Variants in AKAP9 observed in about 807,000 individuals in gnomAD.
AKAP9 encodes the protein A-kinase anchor protein 9.
AKAP9 carries 311 observed loss-of-function variants against 488.5 expected under a neutral mutation model. The ratio of observed to expected loss-of-function variants is 0.64; its 90% CI spans 0.58 to 0.70. The LOEUF (loss-of-function observed/expected upper bound fraction) is 0.70. Among genes scored for constraint, AKAP9 ranks in the 30% least tolerant of loss-of-function variants. The pLI, the probability that AKAP9 is intolerant of heterozygous loss-of-function variation, is 0.00. For synonymous variants in AKAP9, 1,462 were observed against 1,483.5 expected (o/e 0.99, Z 0.33); for missense variants, 4,215 against 4,374.5 (o/e 0.96, Z 1.03).
chr7:92,025,304 A>G (rs2299240), intron 14 of AKAP9, among the ~76,000 whole-genome samples: 67,908 of 151,628 alleles, frequency 0.45, 16,243 homozygotes, highest in African/African-American at 0.63. Context: ...GGGCTTCTGC[A>G]AGCTCACCAC....
chr7:92,069,151 G>C (rs1811265819), intron 26 of AKAP9, among the ~76,000 whole-genome samples: 1 of 152,118 alleles, frequency 6.6e-6, no homozygotes, highest in African/African-American at 2.4e-5. Flanking sequence ...CTGGGCTGAT[G>C]GAATGTATAG....
Position 92,043,693 on chromosome 7 carries a change from A to C in AKAP9, c.5162+922A>C, listed in dbSNP as rs185512824. Among the ~76,000 whole-genome samples, 38 of 152,340 alleles carry C rather than the reference A, an allele frequency of 2.5e-4. 1 individual carries two copies. The highest frequency in any genetic ancestry group is 1.4e-3 in the Admixed American group (22 of 15,296). ...TTTTATTTTTAGTATTCTTGATTAT[A>C]TAAGCAGAGAACTTGATCTAGGTGC... On this transcript the variant is annotated intron_variant, in intron 20 of 49. Transcript: ENST00000356239.
intron 32 of AKAP9, 26 bp from the exon 33 acceptor site, chr7:92,083,144 C>T: frequency 1.9e-6 from 3 of 1,611,424 alleles, no homozygotes; most frequent in Non-Finnish European, 2.5e-6. Flanking sequence ...ACTGAATGCC[C>T]TACTGTTCTA....
intron 8 of AKAP9, among the ~76,000 whole-genome samples, chr7:92,007,628 G>A (rs1440081499): frequency 6.6e-6 from 1 of 152,154 alleles, no homozygotes; most frequent in Non-Finnish European, 1.5e-5. Flanking sequence ...TAAAAACCCA[G>A]GTTATCTCTA....
At chr7:92,105,153 A>G (rs1247196642) in intron 46 of AKAP9, among the ~76,000 whole-genome samples, 1 of 152,160 alleles carries the variant, frequency 6.6e-6, no homozygotes, top group East Asian at 1.9e-4. Flanking sequence ...GAAGGTCGTA[A>G]CTTGCTGCAC....
In AKAP9 at chr7:92,002,247, A is replaced by G. The variant is rs1258121574; in HGVS notation, c.2330A>G (p.Asn777Ser). 1.9e-6 allele frequency: 3 copies of G among 1,600,654 alleles called. No homozygotes were observed. The highest frequency in any genetic ancestry group is 2.7e-5 in the African/African-American group (2 of 74,080). ...AAATTTGCACAACTTGAAGCAGAGA[A>G]TAGCATTCTTAAAGATGAAAAGAAA... ...QEKFAQLEAE[N>S]SILKDEKKTL... Residue 777 changes from asparagine (N) to serine (S), a missense_variant, in exon 8 of 50, where the codon AAT becomes AGT. Transcript: ENST00000356239.
At chr7:92,048,893 C>CT (rs1807451098) in intron 21 of AKAP9, among the ~76,000 whole-genome samples, 1 of 152,038 alleles carries the variant, frequency 6.6e-6, no homozygotes, top group East Asian at 1.9e-4. Flanking sequence ...GCCTTGTTTT[C>CT]TTTTTTTCTA....
At chr7:92,014,457 G>T in intron 10 of AKAP9, 129 bp downstream of exon 10, 4 of 689,390 alleles carry the variant, frequency 5.8e-6, no homozygotes, top group Non-Finnish European at 1.1e-5. Flanking sequence ...GTGAAACCCC[G>T]TCTCTACCAA....
chr7:91,946,607 C>T (rs1791480932), intron 1 of AKAP9, among the ~76,000 whole-genome samples: 1 of 152,086 alleles, frequency 6.6e-6, no homozygotes, highest in African/African-American at 2.4e-5. Flanking sequence ...CTCCTGGGCT[C>T]AAGCAATCCT....
chr7:91,955,488 C>T (rs1792874179), intron 1 of AKAP9, among the ~76,000 whole-genome samples: 2 of 152,148 alleles, frequency 1.3e-5, no homozygotes, highest in African/African-American at 4.8e-5. Context: ...TATATGTACA[C>T]ATACAACATA....
chr7:92,087,166 A>G (rs1307776267), intron 37 of AKAP9, among the ~76,000 whole-genome samples: 3 of 152,234 alleles, frequency 2.0e-5, no homozygotes, highest in African/African-American at 7.2e-5. Context: ...CAACACAACA[A>G]TGGATTTGGG....
chr7:92,053,560 T>C (rs1281520180), intron 22 of AKAP9, among the ~76,000 whole-genome samples: 1 of 152,186 alleles, frequency 6.6e-6, no homozygotes, highest in African/African-American at 2.4e-5. Flanking sequence ...CCACAGCTCA[T>C]AGCAGCTGTC....
chr7:92,053,450 T>C (rs912176806), intron 22 of AKAP9, among the ~76,000 whole-genome samples: 1 of 152,168 alleles, frequency 6.6e-6, no homozygotes, highest in Non-Finnish European at 1.5e-5. Flanking sequence ...CTACTTGTTC[T>C]TAACAGGCTA....
At chr7:92,033,416 G>C (rs1269433746) in intron 16 of AKAP9, among the ~76,000 whole-genome samples, 1 of 151,064 alleles carries the variant, frequency 6.6e-6, no homozygotes, top group Non-Finnish European at 1.5e-5. Flanking sequence ...AGAAGACTGA[G>C]AGCCATTTTT....
At chr7:92,054,858 C>T (rs1345221008) in intron 22 of AKAP9, among the ~76,000 whole-genome samples, 1 of 151,966 alleles carries the variant, frequency 6.6e-6, no homozygotes, top group Non-Finnish European at 1.5e-5. Flanking sequence ...GCTTAAGAGA[C>T]TGTCATAAGG....
At chr7:91,958,420 T>C (rs1450980633) in intron 1 of AKAP9, among the ~76,000 whole-genome samples, 1 of 152,202 alleles carries the variant, frequency 6.6e-6, no homozygotes, top group Non-Finnish European at 1.5e-5. Flanking sequence ...AACTTAATAA[T>C]ATACTTAGGG....
chr7:91,963,532 T>G (rs936405858), intron 1 of AKAP9, among the ~76,000 whole-genome samples: 1 of 111,596 alleles, frequency 9.0e-6, no homozygotes, highest in Non-Finnish European at 2.1e-5. Flanking sequence ...ACACACATAT[T>G]TTTGAGACGG....
At chr7:92,091,436 A>G (rs1165932193) in intron 38 of AKAP9, among the ~76,000 whole-genome samples, 1 of 151,978 alleles carries the variant, frequency 6.6e-6, no homozygotes, top group Non-Finnish European at 1.5e-5. Flanking sequence ...AAATACAAAA[A>G]TTAGCTTGGC....
chr7:91,997,207 C>G (rs1364780806), intron 7 of AKAP9, among the ~76,000 whole-genome samples: 2 of 152,156 alleles, frequency 1.3e-5, no homozygotes, highest in South Asian at 2.1e-4. Context: ...GCAAGAAATA[C>G]AGTGAGGCTT....
Sources: allele counts gnomAD v4.1 joint callset (sites outside exome capture counted in the v4.1 genomes callset), GRCh38; gene constraint gnomAD v4.1.1; transcripts MANE v1.5; gene names NCBI Gene and HGNC (gene_info 2026-07-23, HGNC 2026-07-21).